The following KLRG1 variants were observed in gnomAD, a reference collection of about 807,000 sequenced individuals.
KLRG1 encodes killer cell lectin-like receptor subfamily G member 1.
In KLRG1, 16 loss-of-function variants were observed where a neutral mutation model predicts 21.8. The observed-to-expected ratio is 0.73, with a 90% CI of 0.50 to 1.11. KLRG1 has a LOEUF of 1.11. Ranked by LOEUF, KLRG1 falls within the 50% of genes most tolerant of loss-of-function variation. The pLI, the probability that KLRG1 is intolerant of heterozygous loss-of-function variation, is 0.00. For synonymous variants in KLRG1, 69 were observed against 75.9 expected (o/e 0.91, Z 0.47); for missense variants, 173 against 218.3 (o/e 0.79, Z 1.31).
chr12:9,008,532 A>G (rs1199789510), intron 3 of KLRG1, among the ~76,000 whole-genome samples: 3 of 152,242 alleles, frequency 2.0e-5, no homozygotes, highest in African/African-American at 7.2e-5. Flanking sequence ...TCGCTTGAAC[A>G]ACAGATGTTT....
At chr12:9,178,172 G>A in the KLRG1 span, among the ~76,000 whole-genome samples, 3 of 152,296 alleles carry the variant, frequency 2.0e-5, no homozygotes, top group African/African-American at 4.8e-5. Flanking sequence ...GTGGTCAACT[G>A]TGATCCAAAC....
At chr12:9,148,993 A>G in the KLRG1 span, 21 of 1,611,378 alleles carry the variant, frequency 1.3e-5, no homozygotes, top group Non-Finnish European at 1.7e-5. Flanking sequence ...CATGCTCTGT[A>G]TCTATGGAGA....
chr12:8,995,651 G>A (rs7957038), intron 3 of KLRG1, among the ~76,000 whole-genome samples: 10,608 of 151,790 alleles, frequency 0.07, 1,201 homozygotes, highest in African/African-American at 0.23. Context: ...TCTTAGGTCC[G>A]GAAACCTACA....
chr12:9,063,854 G>C, the KLRG1 span, among the ~76,000 whole-genome samples: 133 of 152,246 alleles, frequency 8.7e-4, no homozygotes, highest in Non-Finnish European at 2.9e-5. Context: ...TAGGCAATCA[G>C]TTAGTATTTC....
At chr12:9,157,738 G>A in the KLRG1 span, 6 of 1,588,876 alleles carry the variant, frequency 3.8e-6, no homozygotes, top group East Asian at 4.5e-5. Flanking sequence ...AGTTTTCATG[G>A]TAGGGAATGG....
At chr12:9,052,731 T>C in the KLRG1 span, 1 of 409,510 alleles carries the variant, frequency 2.4e-6, no homozygotes, top group Admixed American at 3.0e-5. Context: ...CATTTTTCAC[T>C]TGGAGCTTGG....
the KLRG1 span, among the ~76,000 whole-genome samples, chr12:9,039,151 C>T: frequency 5.9e-5 from 9 of 152,204 alleles, no homozygotes; most frequent in African/African-American, 1.2e-4. Context: ...ATAAAGTAGA[C>T]GATTGCTAAA....
the KLRG1 span, among the ~76,000 whole-genome samples, chr12:9,213,403 T>A: frequency 1.3e-5 from 2 of 152,198 alleles, no homozygotes. Context: ...ACTGCCAGAC[T>A]ATTTTTCACA....
At chr12:9,165,138 C>T in the KLRG1 span, 28 of 1,613,304 alleles carry the variant, frequency 1.7e-5, no homozygotes, top group South Asian at 3.0e-4. Flanking sequence ...ATTTTCCTTA[C>T]CCGGATGCAT....
At chr12:9,049,465 G>T in the KLRG1 span, among the ~76,000 whole-genome samples, 1 of 152,094 alleles carries the variant, frequency 6.6e-6, no homozygotes, top group East Asian at 1.9e-4. Context: ...AAGGGATGTG[G>T]TATTTCTTGT....
the KLRG1 span, among the ~76,000 whole-genome samples, chr12:9,108,795 C>A: frequency 3.9e-5 from 6 of 152,138 alleles, no homozygotes. Context: ...TCAGTGCAGA[C>A]AGGTATGTAG....
chr12:9,177,919 TA>T, the KLRG1 span, among the ~76,000 whole-genome samples: 2 of 152,192 alleles, frequency 1.3e-5, no homozygotes, highest in African/African-American at 4.8e-5. Context: ...ACAGAGAGTG[TA>T]AAAATATCAG....
At chr12:9,208,470 G>C in the KLRG1 span, 6 of 678,896 alleles carry the variant, frequency 8.8e-6, no homozygotes, top group Non-Finnish European at 1.6e-5. Flanking sequence ...CCTCTGAATA[G>C]AGTTCAGAAT....
At chr12:8,989,772 T>C (rs1420116614) in intron 1 of KLRG1, 55 bp downstream of exon 1, 1 of 936,758 alleles carries the variant, frequency 1.1e-6, no homozygotes, top group Admixed American at 2.0e-5. Flanking sequence ...AGGCTATGGA[T>C]GAATGGGGAG....
the KLRG1 span, chr12:9,112,191 T>C: frequency 6.2e-7 from 1 of 1,613,850 alleles, no homozygotes; most frequent in Non-Finnish European, 8.5e-7. Context: ...TTTTCATCCA[T>C]GGAGACAACA....
At chr12:9,139,932 T>C in the KLRG1 span, among the ~76,000 whole-genome samples, 1 of 152,150 alleles carries the variant, frequency 6.6e-6, no homozygotes, top group Non-Finnish European at 1.5e-5. Flanking sequence ...AGGCTTGGAA[T>C]GTTTCTGTGT....
chr12:9,125,615 A>G, the KLRG1 span, among the ~76,000 whole-genome samples: 1 of 152,264 alleles, frequency 6.6e-6, no homozygotes, highest in Non-Finnish European at 1.5e-5. Flanking sequence ...ACATTGCAGA[A>G]TGGCTTCAAT....
the KLRG1 span, among the ~76,000 whole-genome samples, chr12:9,146,269 A>C: frequency 6.6e-6 from 1 of 151,674 alleles, no homozygotes; most frequent in Non-Finnish European, 1.5e-5. Flanking sequence ...TGGTGTTCAA[A>C]TTAACTGATC....
the KLRG1 span, chr12:9,160,094 C>T: frequency 7.0e-7 from 1 of 1,433,560 alleles, no homozygotes; most frequent in Non-Finnish European, 9.8e-7. Flanking sequence ...TGTTTAGGCT[C>T]ATGCATCCAG....
Sources: allele counts gnomAD v4.1 joint callset (sites outside exome capture counted in the v4.1 genomes callset), GRCh38; gene constraint gnomAD v4.1.1; transcripts MANE v1.5; gene names NCBI Gene and HGNC (gene_info 2026-07-23, HGNC 2026-07-21).